Variants in CC2D2B observed in about 807,000 individuals in gnomAD.
CC2D2B encodes the protein protein CC2D2B.
In CC2D2B, 128 loss-of-function variants were observed where a neutral mutation model predicts 161.2. The observed-to-expected ratio is 0.79, with a 90% CI of 0.69 to 0.92. CC2D2B has a LOEUF of 0.92. CC2D2B is among the 40% of genes least tolerant of loss of function. CC2D2B has a pLI of 0.00. For missense variants in CC2D2B, 1,173 were observed against 1,375.1 expected (o/e 0.85, Z 2.32); for synonymous variants, 391 against 449.8 (o/e 0.87, Z 1.65).
Position 95,982,006 on chromosome 10 carries a change from C to G in CC2D2B, c.1975C>G (p.Pro659Ala). Residue 659 changes from proline (P) to alanine (A), a missense_variant, in exon 18 of 35, where the codon CCT (proline) becomes GCT (alanine). Coordinates refer to ENST00000646931, the MANE Select transcript of CC2D2B (RefSeq NM_001349008.3). The stretch of plus-strand genomic sequence containing the variant: ...AAGGAATGTAGATGCAAGAAGTGTT[C>G]CTGGAATTCCATGGCTCATGAATGA... ...MLRNVDARSVPGIPWLMNEQK... is the reference protein window; with the variant it reads ...MLRNVDARSVAGIPWLMNEQK... 2.4e-6 allele frequency: 3 copies of G among 1,230,478 alleles called. No individual in the cohort carries two copies. The highest frequency in any genetic ancestry group is 3.0e-6 in the Non-Finnish European group (3 of 986,654). The allele number at this position is 1,230,478 out of a possible 1,614,324, so 76.2% of individuals were successfully genotyped here.
chr10:95,952,838 G>A lies in CC2D2B; in HGVS notation c.1012-2556G>A, dbSNP rs1333611763. ...TAATAATGAAGCAGTGAATATCCTTGTACCTATATATTTGAACACATATAT... is the reference window on the plus strand; with the variant it reads ...TAATAATGAAGCAGTGAATATCCTTATACCTATATATTTGAACACATATAT... On this transcript the variant is annotated intron_variant, in intron 10 of 34. Transcript: ENST00000646931. Among the ~76,000 whole-genome samples the A allele has an allele frequency of 5.9e-5, 9 of 152,132 alleles. No homozygotes were observed. The East Asian group carries it at 1.5e-3, about 26-fold the overall frequency.
intron 24 of CC2D2B, chr10:95,999,823 C>T (rs1483884397): frequency 5.5e-5 from 25 of 454,918 alleles, no homozygotes; most frequent in South Asian, 4.8e-4. Flanking sequence ...AGGCTCCTTC[C>T]CATTGGGTCT....
chr10:95,968,547 T>C (rs2077019521), intron 14 of CC2D2B, among the ~76,000 whole-genome samples, 177 bp from the exon 15 acceptor site: 1 of 152,182 alleles, frequency 6.6e-6, no homozygotes. Context: ...ATTAAAAACA[T>C]TTGACTGGGA....
chr10:96,012,335 T>A lies in CC2D2B; in HGVS notation c.3196T>A (p.Ser1066Thr), dbSNP rs142017566. 2.3e-3 allele frequency: 1,647 copies of A among 704,154 alleles called. 22 individuals are homozygous for A. Among genetic ancestry groups the A allele is most frequent in the African/African-American group, 0.023 (1,328 of 56,952 alleles). 43.6% of individuals were successfully genotyped at this position (704,154 alleles called of 1,614,324 possible). A position where few individuals can be genotyped will look rare whatever the true frequency, so the allele number is the denominator to read the frequency against. The change falls in exon 27 of 35, where the codon TCA (serine) becomes ACA (threonine). Residue 1066 changes from serine (S) to threonine (T), a missense_variant. Coordinates refer to ENST00000646931, the MANE Select transcript of CC2D2B (RefSeq NM_001349008.3). ...TTTTGCTACCATTGAACCTCAAATA[T>A]CATATGTCACCTGTAATCCAACACT... is the stretch of plus-strand genomic sequence containing the variant. ...NIFATIEPQI[S>T]YVTCNPTLDK...
Position 96,032,287 on chromosome 10 carries a change from G to A in CC2D2B, c.*279G>A, listed in dbSNP as rs2080092763. The A allele has an allele frequency of 3.1e-6, 1 of 318,596 alleles. No individual in the cohort carries two copies. Among genetic ancestry groups the A allele is most frequent in the African/African-American group, 2.1e-5 (1 of 47,784 alleles). The allele number at this position is 318,596 out of a possible 1,614,324, so 19.7% of individuals were successfully genotyped here. The stretch of plus-strand genomic sequence containing the variant: ...CTGTCTGCAGTAGGTCTTATTCTGG[G>A]AAAGAAGCAATTTTGGCCTCTTCTC... On this transcript the variant is annotated 3_prime_UTR_variant, in exon 35 of 35. Transcript: ENST00000646931.
At chr10:96,002,075 G>A (rs11595327) in intron 24 of CC2D2B, among the ~76,000 whole-genome samples, 18,640 of 152,182 alleles carry the variant, frequency 0.12, 1,212 homozygotes, top group Middle Eastern at 0.17. Context: ...ATTAGAGTTA[G>A]AAGAAATATA....
intron 12 of CC2D2B, among the ~76,000 whole-genome samples, chr10:95,963,480 T>C (rs1332380819): frequency 6.6e-6 from 1 of 152,102 alleles, no homozygotes. Flanking sequence ...AATAAGGTAA[T>C]TGAGTGGGCA....
intron 32 of CC2D2B, chr10:96,021,095 A>G (rs1287891840): frequency 6.6e-6 from 1 of 151,992 alleles, no homozygotes; most frequent in Non-Finnish European, 1.5e-5. Flanking sequence ...AAAATTGGCA[A>G]AAAAAAATGT....
intron 7 of CC2D2B, 125 bp downstream of exon 7, chr10:95,938,314 T>C (rs2075898652): frequency 4.3e-6 from 3 of 695,774 alleles, no homozygotes; most frequent in Non-Finnish European, 7.2e-6. Context: ...TCTATATTTG[T>C]TTTTCATGAC....
chr10:96,010,107 T>C (rs2078921729), intron 26 of CC2D2B, among the ~76,000 whole-genome samples, 184 bp downstream of exon 26: 1 of 152,222 alleles, frequency 6.6e-6, no homozygotes, highest in Non-Finnish European at 1.5e-5. Context: ...GAGAGTTCTT[T>C]AGAGTGTTAA....
chr10:95,955,847 A>G (rs747702184), intron 11 of CC2D2B, among the ~76,000 whole-genome samples: 18 of 152,232 alleles, frequency 1.2e-4, no homozygotes, highest in South Asian at 2.1e-4. Flanking sequence ...TTCAGTCTAA[A>G]GACAATATTT....
chr10:95,971,976 TAA>T, intron 15 of CC2D2B, 88 bp from the exon 16 acceptor site: 1 of 624,180 alleles, frequency 1.6e-6, no homozygotes, highest in Non-Finnish European at 2.3e-6. Flanking sequence ...TTCTGGTATT[TAA>T]AAAAATATAT....
At chr10:95,994,381 G>A (rs935348630) in intron 22 of CC2D2B, among the ~76,000 whole-genome samples, 7 of 152,108 alleles carry the variant, frequency 4.6e-5, no homozygotes, top group African/African-American at 9.7e-5. Context: ...TTCTTCTACC[G>A]CTATCTTCTA....
chr10:95,993,989 TATATATATAGTAC>T (rs2078125134), intron 22 of CC2D2B, among the ~76,000 whole-genome samples: 1 of 109,516 alleles, frequency 9.1e-6, no homozygotes, highest in African/African-American at 3.6e-5. Flanking sequence ...TATATATATA[TATATATATAGTAC>T]AGTCCAGCCC....
intron 10 of CC2D2B, among the ~76,000 whole-genome samples, chr10:95,952,640 C>A (rs976856638): frequency 2.0e-5 from 3 of 152,064 alleles, no homozygotes; most frequent in Non-Finnish European, 2.9e-5. Context: ...CTCAGCCTCC[C>A]AAGTAGGTGA....
intron 1 of CC2D2B, among the ~76,000 whole-genome samples, chr10:95,910,466 G>C (rs1316163167): frequency 6.6e-6 from 1 of 152,006 alleles, no homozygotes; most frequent in East Asian, 1.9e-4. Context: ...AGGAAGGAGG[G>C]GGGAGGTCCT....
intron 27 of CC2D2B, 82 bp from the exon 28 acceptor site, chr10:96,012,450 G>T: frequency 9.9e-7 from 1 of 1,011,694 alleles, no homozygotes. Flanking sequence ...TTTCAAAGAT[G>T]GCAAAAATAA....
chr10:95,933,280 TCTAA>T (rs1162969013), intron 6 of CC2D2B, among the ~76,000 whole-genome samples: 3 of 152,120 alleles, frequency 2.0e-5, no homozygotes, highest in Non-Finnish European at 2.9e-5. Flanking sequence ...TAGCAATTCC[TCTAA>T]CTTTTTTTCA....
chr10:95,918,138 T>G (rs960202661), intron 2 of CC2D2B, among the ~76,000 whole-genome samples: 1 of 152,192 alleles, frequency 6.6e-6, no homozygotes, highest in Non-Finnish European at 1.5e-5. Flanking sequence ...ATTCAAGATA[T>G]GAGTAGTTTA....
Sources: gnomAD v4.1 joint callset for allele counts (sites outside exome capture counted in the v4.1 genomes callset) on GRCh38, gnomAD v4.1.1 for gene constraint, MANE v1.5 for transcripts, NCBI Gene and HGNC (gene_info 2026-07-23, HGNC 2026-07-21) for gene names.